Variants in SPOCK3 observed in about 807,000 individuals in gnomAD.
SPOCK3 encodes SPARC (osteonectin), cwcv and kazal like domains proteoglycan 3.
SPOCK3 carries 30 observed loss-of-function variants against 56.6 expected under a neutral mutation model. The observed-to-expected ratio is 0.53, with a 90% CI of 0.40 to 0.72. The LOEUF is 0.72. Ranked by LOEUF, SPOCK3 falls within the 30% of genes least tolerant of loss-of-function variation. The pLI, the probability that SPOCK3 is intolerant of heterozygous loss-of-function variation, is 0.00. For missense variants in SPOCK3, 527 were observed against 530.0 expected (o/e 0.99, Z 0.06); for synonymous variants, 196 against 183.3 (o/e 1.07, Z -0.56).
At chr4:167,206,581 G>A (rs1294796735) in intron 2 of SPOCK3, among the ~76,000 whole-genome samples, 2 of 151,944 alleles carry the variant, frequency 1.3e-5, no homozygotes, top group African/African-American at 2.4e-5. Flanking sequence ...TGTTTGCTTT[G>A]GTAGCTAATG....
chr4:167,010,195 A>G (rs1373202082), intron 3 of SPOCK3, among the ~76,000 whole-genome samples: 7 of 152,168 alleles, frequency 4.6e-5, no homozygotes, highest in African/African-American at 7.2e-5. Flanking sequence ...ATGTGAAATC[A>G]TATATTGCAG....
intron 8 of SPOCK3, among the ~76,000 whole-genome samples, chr4:166,742,984 C>T (rs754807836): frequency 7.9e-5 from 12 of 151,996 alleles, no homozygotes; most frequent in African/African-American, 1.2e-4. Flanking sequence ...GATGTGCGTA[C>T]GTTATATGTC....
intron 2 of SPOCK3, among the ~76,000 whole-genome samples, chr4:167,098,579 G>A (rs936465637): frequency 6.6e-6 from 1 of 151,926 alleles, no homozygotes; most frequent in African/African-American, 2.4e-5. Context: ...TTGATGTACA[G>A]CTCTTATTGT....
chr4:166,877,672 G>T (rs981386185), intron 6 of SPOCK3, among the ~76,000 whole-genome samples: 5 of 151,996 alleles, frequency 3.3e-5, no homozygotes, highest in Admixed American at 1.3e-4. Context: ...GGTCATTTTT[G>T]TTCAGAGATA....
chr4:166,857,211 G>A (rs756395148), intron 6 of SPOCK3, among the ~76,000 whole-genome samples: 3 of 152,194 alleles, frequency 2.0e-5, no homozygotes, highest in Non-Finnish European at 4.4e-5. Context: ...GCTCACTCAT[G>A]CAGATAGCAT....
At chr4:167,202,739 TAA>T (rs1351489160) in intron 2 of SPOCK3, among the ~76,000 whole-genome samples, 2 of 151,294 alleles carry the variant, frequency 1.3e-5, no homozygotes, top group Admixed American at 1.3e-4. Flanking sequence ...GTTCCCAAAA[TAA>T]ACTTATGTGT....
At chr4:166,875,132 TTA>T (rs1732943378) in intron 6 of SPOCK3, among the ~76,000 whole-genome samples, 1 of 152,146 alleles carries the variant, frequency 6.6e-6, no homozygotes, top group Non-Finnish European at 1.5e-5. Flanking sequence ...ATATAAATAT[TTA>T]TGATAGGTTG....
At chr4:167,142,211 T>G (rs1329206278) in intron 2 of SPOCK3, among the ~76,000 whole-genome samples, 1 of 151,842 alleles carries the variant, frequency 6.6e-6, no homozygotes. Context: ...TATGAGCAAG[T>G]AAATAGCAGC....
chr4:166,833,779 C>A (rs1296314197), intron 6 of SPOCK3, among the ~76,000 whole-genome samples: 1 of 151,980 alleles, frequency 6.6e-6, no homozygotes, highest in African/African-American at 2.4e-5. Flanking sequence ...GTGGTGTGTC[C>A]TTTTTAGCAT....
intron 3 of SPOCK3, among the ~76,000 whole-genome samples, chr4:167,060,435 A>G (rs1755466825): frequency 6.6e-6 from 1 of 152,092 alleles, no homozygotes; most frequent in African/African-American, 2.4e-5. Flanking sequence ...TTAGATGGAA[A>G]TAGGATTATT....
At chr4:167,021,706 C>T (rs1265668338) in intron 3 of SPOCK3, among the ~76,000 whole-genome samples, 1 of 151,794 alleles carries the variant, frequency 6.6e-6, no homozygotes. Flanking sequence ...CAGAACGACC[C>T]ATATCTATAC....
intron 5 of SPOCK3, among the ~76,000 whole-genome samples, chr4:166,893,294 A>AT (rs1480677768): frequency 6.6e-6 from 1 of 152,096 alleles, no homozygotes; most frequent in Non-Finnish European, 1.5e-5. Context: ...TCCCTTAGGA[A>AT]TTTTTTCTTG....
At chr4:166,979,336 G>GA (rs1482541605) in intron 4 of SPOCK3, among the ~76,000 whole-genome samples, 1 of 152,068 alleles carries the variant, frequency 6.6e-6, no homozygotes, top group East Asian at 1.9e-4. Flanking sequence ...CCCCGTCAAT[G>GA]AAAAACAGTC....
At chr4:166,763,534 C>T (rs903023734) in intron 7 of SPOCK3, among the ~76,000 whole-genome samples, 2 of 151,992 alleles carry the variant, frequency 1.3e-5, no homozygotes, top group Admixed American at 6.6e-5. Context: ...TTTTTCCTTT[C>T]ATTTTAAGCA....
intron 6 of SPOCK3, among the ~76,000 whole-genome samples, chr4:166,888,501 A>G (rs1345455507): frequency 1.3e-5 from 2 of 152,076 alleles, no homozygotes; most frequent in Admixed American, 6.6e-5. Flanking sequence ...TATTTCAAAT[A>G]TAATAATGAT....
At chr4:166,820,595 T>C (rs1744830477) in intron 6 of SPOCK3, among the ~76,000 whole-genome samples, 1 of 151,884 alleles carries the variant, frequency 6.6e-6, no homozygotes, top group Non-Finnish European at 1.5e-5. Context: ...AGGCCGAGGT[T>C]GAGTGAATCA....
chr4:167,228,213 C>A (rs1185624884), intron 2 of SPOCK3, among the ~76,000 whole-genome samples: 1 of 152,104 alleles, frequency 6.6e-6, no homozygotes, highest in Non-Finnish European at 1.5e-5. Flanking sequence ...AATCTGTTGT[C>A]AACTTGACAT....
At chr4:166,792,371 T>C in intron 6 of SPOCK3, 82 bp from the exon 7 acceptor site, 1 of 1,481,690 alleles carries the variant, frequency 6.7e-7, no homozygotes, top group Non-Finnish European at 9.3e-7. Flanking sequence ...TCCAATAAAC[T>C]GAAAGGTAAG....
At chr4:166,981,673 C>T (rs957125550) in intron 4 of SPOCK3, among the ~76,000 whole-genome samples, 2 of 152,200 alleles carry the variant, frequency 1.3e-5, no homozygotes, top group African/African-American at 4.8e-5. Context: ...TTCATTCAGT[C>T]TGGCTCCCGG....
Sources: gnomAD v4.1 joint callset for allele counts (sites outside exome capture counted in the v4.1 genomes callset) on GRCh38, gnomAD v4.1.1 for gene constraint, MANE v1.5 for transcripts, NCBI Gene and HGNC (gene_info 2026-07-23, HGNC 2026-07-21) for gene names.